SKAP1: variants seen among roughly 807,000 people sequenced by gnomAD.
SKAP1 encodes src kinase associated phosphoprotein 1.
Under a neutral mutation model 58.5 loss-of-function variants are expected in SKAP1, and 44 were observed. The ratio of observed to expected loss-of-function variants is 0.75; its 90% confidence interval spans 0.59 to 0.97. SKAP1 has a LOEUF of 0.97. SKAP1 is among the 50% of genes least tolerant of loss of function. The pLI, the probability that SKAP1 is intolerant of heterozygous loss-of-function variation, is 0.00. For synonymous variants in SKAP1, 127 were observed against 149.7 expected (o/e 0.85, Z 1.11); for missense variants, 390 against 435.2 (o/e 0.90, Z 0.92).
chr17:48,298,970 G>T (rs1332135787), intron 4 of SKAP1, among the ~76,000 whole-genome samples: 1 of 152,148 alleles, frequency 6.6e-6, no homozygotes, highest in African/African-American at 2.4e-5. Flanking sequence ...GGGAAATTTT[G>T]ACCATCAGAA....
At chr17:48,379,157 C>A (rs1048370921) in intron 2 of SKAP1, among the ~76,000 whole-genome samples, 6 of 152,156 alleles carry the variant, frequency 3.9e-5, no homozygotes, top group Non-Finnish European at 7.4e-5. Context: ...CCCCCAAAGC[C>A]TGGCTTCAAA....
intron 2 of SKAP1, among the ~76,000 whole-genome samples, chr17:48,380,948 C>G (rs1342343317): frequency 6.6e-6 from 1 of 152,168 alleles, no homozygotes; most frequent in Non-Finnish European, 1.5e-5. Flanking sequence ...ACATAACATT[C>G]TGAAAAGTGG....
At chr17:48,217,011 T>C (rs899006945) in intron 4 of SKAP1, among the ~76,000 whole-genome samples, 2 of 152,210 alleles carry the variant, frequency 1.3e-5, no homozygotes, top group Non-Finnish European at 2.9e-5. Flanking sequence ...AGAAGTGAAG[T>C]CCAGATTTCC....
chr17:48,282,825 T>C (rs2065784562), intron 4 of SKAP1, among the ~76,000 whole-genome samples: 1 of 151,688 alleles, frequency 6.6e-6, no homozygotes, highest in Non-Finnish European at 1.5e-5. Flanking sequence ...TTTTTTTTGG[T>C]AAGGAAAATT....
At chr17:48,235,680 G>A (rs1044126031) in intron 4 of SKAP1, among the ~76,000 whole-genome samples, 1 of 152,146 alleles carries the variant, frequency 6.6e-6, no homozygotes, top group African/African-American at 2.4e-5. Context: ...AGCTGAGGAT[G>A]GCAAAGAATG....
At position 48,415,706 on chromosome 17, in the gene SKAP1, T is replaced by C. The variant is rs553391013; in HGVS notation, c.46+14369A>G. ...CACCTCCTCCCTACGTGGGGCCCCA[T>C]TCCTGCCCTCATTCTGTCCCCTTAG... On this transcript the variant is annotated intron_variant, in intron 1 of 12. Coordinates refer to ENST00000336915, the MANE Select transcript of SKAP1 (RefSeq NM_003726.4). 1.7e-3 allele frequency among the ~76,000 whole-genome samples: 254 copies of C among 152,190 alleles called. 2 individuals carry two copies. The highest frequency in any genetic ancestry group is 5.8e-3 in the African/African-American group (239 of 41,552).
rs983670238 is a variant in SKAP1, at chr17:48,411,881, C to T, written c.47-15096G>A. Among the ~76,000 whole-genome samples the T allele has an allele frequency of 3.3e-5, 5 of 152,252 alleles. No homozygotes were observed. The East Asian group carries it at 7.7e-4, about 24-fold the overall frequency. On this transcript the variant is annotated intron_variant, in intron 1 of 12. Coordinates refer to ENST00000336915, the MANE Select transcript of SKAP1 (RefSeq NM_003726.4). ...TCTGGGAAACTGTTACAGCAAGAGG[C>T]GCCCAAGGAGCCTAAACTAAACGAG...
At chr17:48,424,928 C>T (rs547115134) in intron 1 of SKAP1, among the ~76,000 whole-genome samples, 1 of 127,590 alleles carries the variant, frequency 7.8e-6, no homozygotes, top group Admixed American at 8.3e-5. Flanking sequence ...GAGACTCTGT[C>T]TCAAAAAAAA....
intron 4 of SKAP1, among the ~76,000 whole-genome samples, chr17:48,230,757 A>C (rs2065117459): frequency 6.6e-6 from 1 of 151,950 alleles, no homozygotes; most frequent in South Asian, 2.1e-4. Context: ...ACCCTGTCTC[A>C]AAAAAAATTG....
intron 2 of SKAP1, among the ~76,000 whole-genome samples, chr17:48,388,660 C>G (rs1280732447): frequency 1.3e-5 from 2 of 152,162 alleles, no homozygotes; most frequent in African/African-American, 2.4e-5. Context: ...AACAATTCAG[C>G]ATGCATATAA....
At chr17:48,221,638 T>G (rs1004502919) in intron 4 of SKAP1, among the ~76,000 whole-genome samples, 1 of 152,240 alleles carries the variant, frequency 6.6e-6, no homozygotes, top group Non-Finnish European at 1.5e-5. Context: ...ACCAGCTAAT[T>G]CTGTTCGTGC....
chr17:48,315,596 G>T (rs1305451702), intron 4 of SKAP1, among the ~76,000 whole-genome samples: 1 of 152,098 alleles, frequency 6.6e-6, no homozygotes, highest in East Asian at 1.9e-4. Context: ...TATACTTACA[G>T]ATCTTATATA....
At chr17:48,370,812 A>G (rs1397797931) in intron 2 of SKAP1, among the ~76,000 whole-genome samples, 1 of 152,230 alleles carries the variant, frequency 6.6e-6, no homozygotes, top group Admixed American at 6.5e-5. Flanking sequence ...ATTCTACCAA[A>G]AAGACATATG....
chr17:48,312,730 TGA>T (rs1388672217), intron 4 of SKAP1, among the ~76,000 whole-genome samples: 26 of 152,052 alleles, frequency 1.7e-4, no homozygotes, highest in Admixed American at 1.6e-3. Context: ...AAAGAGAGTG[TGA>T]GAGAGAGAGA....
At chr17:48,389,603 T>G (rs1372138300) in intron 2 of SKAP1, among the ~76,000 whole-genome samples, 1 of 152,234 alleles carries the variant, frequency 6.6e-6, no homozygotes, top group Admixed American at 6.5e-5. Context: ...GAGAAGTTCC[T>G]GTGGGATTGA....
chr17:48,324,664 G>C (rs1455100324), intron 4 of SKAP1, among the ~76,000 whole-genome samples: 1 of 151,846 alleles, frequency 6.6e-6, no homozygotes, highest in Non-Finnish European at 1.5e-5. Context: ...TAGTAGCTCA[G>C]GTATTTCTCC....
intron 2 of SKAP1, among the ~76,000 whole-genome samples, chr17:48,377,612 C>T (rs533203027): frequency 6.6e-6 from 1 of 151,460 alleles, no homozygotes; most frequent in Admixed American, 6.6e-5. Context: ...AAAACATTTA[C>T]TATGGCACAA....
intron 4 of SKAP1, among the ~76,000 whole-genome samples, chr17:48,288,387 G>C (rs566004415): frequency 6.6e-6 from 1 of 152,258 alleles, no homozygotes; most frequent in South Asian, 2.1e-4. Flanking sequence ...CTGACTACCA[G>C]ATTGAAAATA....
intron 4 of SKAP1, among the ~76,000 whole-genome samples, chr17:48,292,382 T>C (rs2065909783): frequency 6.6e-6 from 1 of 152,126 alleles, no homozygotes; most frequent in South Asian, 2.1e-4. Context: ...TTTTTCTGGC[T>C]GATTCAAAAT....
Sources: allele counts gnomAD v4.1 joint callset (sites outside exome capture counted in the v4.1 genomes callset), GRCh38; gene constraint gnomAD v4.1.1; transcripts MANE v1.5; gene names NCBI Gene and HGNC (gene_info 2026-07-23, HGNC 2026-07-21).